The following MTSS1 variants were observed in gnomAD, a reference collection of about 807,000 sequenced individuals.
The protein encoded by MTSS1 is protein MTSS 1.
MTSS1 carries 18 observed loss-of-function variants against 79.0 expected under a neutral mutation model. The ratio of observed to expected loss-of-function variants is 0.23; its 90% CI spans 0.16 to 0.34. The LOEUF is 0.34. Among genes scored for constraint, MTSS1 ranks in the 10% least tolerant of loss-of-function variants. The probability of loss-of-function intolerance (pLI) is 1.00; values close to 1 mark genes in which losing one functional copy is unlikely to be tolerated. For missense variants in MTSS1, 815 were observed against 986.2 expected (o/e 0.83, Z 2.33); for synonymous variants, 341 against 368.6 (o/e 0.93, Z 0.86).
chr8:124,567,217 G>A (rs763387351), intron 7 of MTSS1, 39 bp from the exon 8 acceptor site: 11 of 1,455,090 alleles, frequency 7.6e-6, no homozygotes, highest in South Asian at 4.6e-5. Context: ...ATTATCATGA[G>A]TGATTCCCTT....
At chr8:124,716,537 G>C (rs1832018074) in intron 1 of MTSS1, among the ~76,000 whole-genome samples, 1 of 152,176 alleles carries the variant, frequency 6.6e-6, no homozygotes, top group South Asian at 2.1e-4. Flanking sequence ...TGGAATCCCA[G>C]CAAGACCTAT....
intron 1 of MTSS1, among the ~76,000 whole-genome samples, chr8:124,712,521 G>T (rs1029848657): frequency 2.6e-5 from 4 of 152,200 alleles, no homozygotes; most frequent in Non-Finnish European, 5.9e-5. Context: ...ATGAATGCCT[G>T]TCATAGCTTT....
Position 124,597,185 on chromosome 8 carries a change from C to T in MTSS1, c.209-5950G>A, listed in dbSNP as rs111282564. 0.019 allele frequency among the ~76,000 whole-genome samples: 2,847 copies of T among 152,268 alleles called. 38 individuals are homozygous for T. The highest frequency in any genetic ancestry group is 0.058 in the Middle Eastern group (17 of 294). ...GACACAGATAAAATGGTGCAGGGAA[C>T]ACTGTCCTGACAGCAACCCTCTGTG... is the stretch of plus-strand genomic sequence containing the variant. On this transcript the variant is annotated intron_variant, in intron 3 of 13. Coordinates refer to ENST00000518547, the MANE Select transcript of MTSS1 (RefSeq NM_014751.6). This position sits in a 1 kb window ranked among gnomAD's most constrained non-coding sequence, Gnocchi z 4.6.
intron 3 of MTSS1, among the ~76,000 whole-genome samples, chr8:124,619,064 G>A (rs1452373038): frequency 6.6e-6 from 1 of 152,214 alleles, no homozygotes; most frequent in East Asian, 1.9e-4. Context: ...TCATGGAGTT[G>A]ACATCTATTA....
At chr8:124,575,324 C>T (rs993186703) in intron 6 of MTSS1, among the ~76,000 whole-genome samples, 5 of 152,138 alleles carry the variant, frequency 3.3e-5, no homozygotes, top group South Asian at 2.1e-4. Context: ...ACTCAATTTC[C>T]GTTATTTTTC....
intron 3 of MTSS1, among the ~76,000 whole-genome samples, chr8:124,689,010 T>C (rs1191494652): frequency 6.6e-6 from 1 of 152,024 alleles, no homozygotes; most frequent in Non-Finnish European, 1.5e-5. Flanking sequence ...TTCCAAGTAG[T>C]TCTCACTTTA....
intron 6 of MTSS1, chr8:124,568,758 G>A: frequency 6.2e-6 from 9 of 1,461,490 alleles, no homozygotes; most frequent in Non-Finnish European, 8.1e-6. Context: ...GCTTATTCCT[G>A]ACAAGGAAAA....
chr8:124,635,506 G>A (rs1816809826), intron 3 of MTSS1, among the ~76,000 whole-genome samples: 1 of 152,202 alleles, frequency 6.6e-6, no homozygotes, highest in Non-Finnish European at 1.5e-5. Flanking sequence ...CACATCCCAG[G>A]CAAATGCCGG....
intron 3 of MTSS1, among the ~76,000 whole-genome samples, chr8:124,641,264 C>T (rs1275861969): frequency 6.6e-6 from 1 of 152,186 alleles, no homozygotes; most frequent in Non-Finnish European, 1.5e-5. Flanking sequence ...GAGCTCCCTC[C>T]AGACCCCCCA....
chr8:124,719,233 A>T (rs1395563160), intron 1 of MTSS1, among the ~76,000 whole-genome samples: 1 of 152,214 alleles, frequency 6.6e-6, no homozygotes, highest in Non-Finnish European at 1.5e-5. Context: ...CATCTGTAAA[A>T]TGGGAATTAT....
chr8:124,624,657 T>C (rs1275607104), intron 3 of MTSS1, among the ~76,000 whole-genome samples: 1 of 152,110 alleles, frequency 6.6e-6, no homozygotes, highest in East Asian at 1.9e-4. Flanking sequence ...GAGTCTCAGG[T>C]GCCAGGGGGA....
intron 5 of MTSS1, among the ~76,000 whole-genome samples, chr8:124,589,282 C>T (rs566710734): frequency 8.5e-5 from 13 of 152,112 alleles, no homozygotes; most frequent in African/African-American, 1.9e-4. Context: ...CCGCCCGCCT[C>T]GGCCTCCCAA....
chr8:124,558,336 T>A (rs1824481066), intron 10 of MTSS1, among the ~76,000 whole-genome samples: 1 of 150,084 alleles, frequency 6.7e-6, no homozygotes, highest in Admixed American at 6.6e-5. Flanking sequence ...GGGGTGGGGG[T>A]GCAAACTAAA....
At position 124,553,544 on chromosome 8, in the gene MTSS1, G is replaced by T. The variant is rs776317570; in HGVS notation, c.1716C>A (p.Gly572=). The T allele has an allele frequency of 6.2e-6, 10 of 1,614,042 alleles. No homozygotes were observed. In the East Asian group the frequency reaches 2.0e-4, roughly 32 times the overall value. The stretch of plus-strand genomic sequence containing the variant: ...TAGCAGGTCCCAGGGTGGTGGGGAG[G>T]CCAGCAGTTGAGGCTGGACGCTTGG... ...FQAKRPASTA[G]LPTTLGPAMV... The change falls in exon 14 of 14, where the codon GGC becomes GGA. Residue 572 remains glycine (G), a synonymous_variant. Coordinates refer to ENST00000518547, the MANE Select transcript of MTSS1 (RefSeq NM_014751.6). This position sits in a 1 kb window ranked among gnomAD's most constrained non-coding sequence, Gnocchi z 6.0.
chr8:124,639,053 C>T lies in MTSS1; in HGVS notation c.209-47818G>A, dbSNP rs148916987. Among the ~76,000 whole-genome samples, 518 of 152,252 alleles carry T rather than the reference C, an allele frequency of 3.4e-3. 3 individuals carry two copies. Among genetic ancestry groups the T allele is most frequent in the African/African-American group, 0.011 (452 of 41,544 alleles). ...GGCTAAATTAAAAAGGTATTGGCGG[C>T]CTGGCCCAGGTGGTGGCTCATGCCT... On this transcript the variant is annotated intron_variant, in intron 3 of 13. Coordinates refer to ENST00000518547, the MANE Select transcript of MTSS1 (RefSeq NM_014751.6).
chr8:124,606,600 C>T (rs1177388139), intron 3 of MTSS1, among the ~76,000 whole-genome samples: 1 of 152,156 alleles, frequency 6.6e-6, no homozygotes, highest in East Asian at 1.9e-4. Flanking sequence ...TTGGGGGCAT[C>T]TCACTGTTGC....
intron 3 of MTSS1, among the ~76,000 whole-genome samples, chr8:124,688,040 T>C (rs1035986991): frequency 1.3e-5 from 2 of 152,162 alleles, no homozygotes; most frequent in African/African-American, 2.4e-5. Context: ...CCGAGGTCCC[T>C]GGGCCCTAGC....
chr8:124,710,648 G>T (rs145192690), intron 1 of MTSS1, among the ~76,000 whole-genome samples: 4 of 152,156 alleles, frequency 2.6e-5, no homozygotes, highest in Non-Finnish European at 5.9e-5. Flanking sequence ...ATTGAACAGA[G>T]GCCCAGGACG....
At position 124,682,091 on chromosome 8, in the gene MTSS1, G is replaced by A. The variant is rs577298756; in HGVS notation, c.208+17435C>T. ...AGTCACACTGCAAAAAAGAGTGCAGGCTGGGATTCAACTCAAATCAAAGGT... is the reference window on the plus strand; with the variant it reads ...AGTCACACTGCAAAAAAGAGTGCAGACTGGGATTCAACTCAAATCAAAGGT... On this transcript the variant is annotated intron_variant, in intron 3 of 13. Transcript: ENST00000518547. Among the ~76,000 whole-genome samples the A allele has an allele frequency of 5.3e-5, 8 of 152,318 alleles. No individual in the cohort carries two copies. The East Asian group carries it at 1.3e-3, about 26-fold the overall frequency.
Sources: gnomAD v4.1 joint callset for allele counts (sites outside exome capture counted in the v4.1 genomes callset) on GRCh38, gnomAD v4.1.1 for gene constraint, Gnocchi (gnomAD v3.1) non-coding constraint, MANE v1.5 for transcripts, NCBI Gene and HGNC (gene_info 2026-07-23, HGNC 2026-07-21) for gene names.